NUP93: variants seen among roughly 807,000 people sequenced by gnomAD.
The protein encoded by NUP93 is nucleoporin 93.
NUP93 carries 55 observed loss-of-function variants against 107.8 expected under a neutral mutation model. The observed-to-expected ratio is 0.51, with a 90% CI of 0.41 to 0.64. NUP93 has a LOEUF of 0.64. Among genes scored for constraint, NUP93 ranks in the 30% least tolerant of loss-of-function variants. NUP93 has a pLI of 0.00. For missense variants in NUP93, 937 were observed against 1,044.7 expected, an observed-to-expected ratio of 0.90 and a Z score of 1.42; for synonymous variants, 390 against 397.5, an observed-to-expected ratio of 0.98 and a Z score of 0.22.
intron 4 of NUP93, among the ~76,000 whole-genome samples, chr16:56,799,723 TG>T (rs1418817894): frequency 6.6e-6 from 1 of 152,166 alleles, no homozygotes; most frequent in Non-Finnish European, 1.5e-5. Context: ...AATAATAAAG[TG>T]AAAAAAATGC....
Position 56,847,445 on chromosome 16 carries a change from C to CT in NUP93, c.*2838dup, listed in dbSNP as rs2144660626. 1 of 152,310 alleles carries CT rather than the reference C, an allele frequency of 6.6e-6. No homozygotes were observed. Among genetic ancestry groups the CT allele is most frequent in the African/African-American group, 2.4e-5 (1 of 41,560 alleles). The allele number at this position is 152,310 out of a possible 1,614,324, so 9.4% of individuals were successfully genotyped here. ...ACTAAGAGAAAGTGGCACTAGGCGT[C>CT]TTGTCTTCCAGATGTGAGATTTCGA... is the stretch of plus-strand genomic sequence containing the variant. On this transcript the variant is annotated 3_prime_UTR_variant, in exon 22 of 22. Transcript: ENST00000308159.
intron 2 of NUP93, among the ~76,000 whole-genome samples, chr16:56,752,321 A>G (rs548786865): frequency 7.2e-5 from 11 of 152,304 alleles, no homozygotes; most frequent in Non-Finnish European, 1.2e-4. Context: ...TGTAATAGCA[A>G]AAATTGAAAA....
At chr16:56,764,318 C>T (rs891153072) in intron 3 of NUP93, among the ~76,000 whole-genome samples, 2 of 152,032 alleles carry the variant, frequency 1.3e-5, no homozygotes, top group East Asian at 1.9e-4. Context: ...TGGTGAAACC[C>T]GTCTCTACTA....
chr16:56,791,998 A>G (rs1391329017), intron 3 of NUP93, among the ~76,000 whole-genome samples: 1 of 152,180 alleles, frequency 6.6e-6, no homozygotes, highest in Non-Finnish European at 1.5e-5. Flanking sequence ...CATACCACAT[A>G]TCTCTGTTGC....
At chr16:56,794,301 T>A (rs955594611) in intron 3 of NUP93, among the ~76,000 whole-genome samples, 1 of 152,158 alleles carries the variant, frequency 6.6e-6, no homozygotes, top group South Asian at 2.1e-4. Flanking sequence ...CCCAGTTTTT[T>A]AAGTATGTAA....
At position 56,768,595 on chromosome 16, in the gene NUP93, T is replaced by C. The variant is rs574898466; in HGVS notation, c.297+9940T>C. Among the ~76,000 whole-genome samples the C allele has an allele frequency of 1.7e-3, 253 of 146,422 alleles. 1 individual carries two copies. The highest frequency in any genetic ancestry group is 4.5e-3 in the African/African-American group (177 of 39,378). ...AAAAATTTTTTTTTTTGGCCAGGTG[T>C]GGTGGCTCACGCCTGTAATCCCAGC... is the stretch of plus-strand genomic sequence containing the variant. On this transcript the variant is annotated intron_variant, in intron 3 of 21. Coordinates refer to ENST00000308159, the MANE Select transcript of NUP93 (RefSeq NM_014669.5).
In NUP93 at chr16:56,836,838, T is replaced by TA; in HGVS notation, c.1899+122dup. 3 of 639,772 alleles carry TA rather than the reference T, an allele frequency of 4.7e-6. No individual in the cohort carries two copies. The South Asian group carries it at 5.9e-5, about 12-fold the overall frequency. 39.6% of individuals were successfully genotyped at this position (639,772 alleles called of 1,614,324 possible). ...ACCCTCCCTGCAGAGGCATTTGCTC[T>TA]AGTGCTTAGACAGTTAATGGTCCAG... On this transcript the variant is annotated intron_variant, in intron 17 of 21. Transcript: ENST00000308159.
chr16:56,841,949 C>T (rs1964035090), intron 21 of NUP93, 116 bp downstream of exon 21: 1 of 1,261,616 alleles, frequency 7.9e-7, no homozygotes, highest in Non-Finnish European at 1.1e-6. Flanking sequence ...CAGTACCTGG[C>T]AGCTGGATAA....
intron 21 of NUP93, among the ~76,000 whole-genome samples, chr16:56,842,082 A>T (rs1319894118): frequency 2.6e-5 from 4 of 152,220 alleles, no homozygotes; most frequent in African/African-American, 7.2e-5. Context: ...AATCAAACAG[A>T]ATGCTAATTT....
chr16:56,815,853 G>GCTA (rs1401746421), intron 5 of NUP93, among the ~76,000 whole-genome samples: 7 of 140,080 alleles, frequency 5.0e-5, no homozygotes, highest in Admixed American at 7.3e-5. Flanking sequence ...AGGATTTCCA[G>GCTA]CTACTACTGC....
chr16:56,799,346 A>G (rs1962970906), intron 4 of NUP93, among the ~76,000 whole-genome samples: 3 of 152,320 alleles, frequency 2.0e-5, no homozygotes, highest in South Asian at 4.1e-4. Context: ...CAGCCATTAT[A>G]TGTGCAACAA....
intron 1 of NUP93, among the ~76,000 whole-genome samples, 162 bp downstream of exon 1, chr16:56,730,373 C>A (rs1961512857): frequency 6.6e-6 from 1 of 152,168 alleles, no homozygotes; most frequent in Admixed American, 6.5e-5. Context: ...GACACAACGC[C>A]TTGTCGAGCC....
chr16:56,823,559 C>A, intron 7 of NUP93, 148 bp from the exon 8 acceptor site: 1 of 924,410 alleles, frequency 1.1e-6, no homozygotes, highest in Non-Finnish European at 1.7e-6. Context: ...ATCTTCTGCA[C>A]TGAGCTTAAG....
intron 10 of NUP93, 86 bp downstream of exon 10, chr16:56,830,771 A>G: frequency 7.8e-7 from 1 of 1,279,754 alleles, no homozygotes; most frequent in South Asian, 2.1e-5. Context: ...TTTTCCCTGG[A>G]CGGGCCCAAA....
At chr16:56,803,374 A>G (rs1596816839) in intron 4 of NUP93, among the ~76,000 whole-genome samples, 1 of 152,190 alleles carries the variant, frequency 6.6e-6, no homozygotes, top group Non-Finnish European at 1.5e-5. Context: ...CTGAGGTGGG[A>G]AGGTGGCATG....
At chr16:56,808,056 TATATATAA>T (rs1368413417) in intron 5 of NUP93, among the ~76,000 whole-genome samples, 2 of 140,072 alleles carry the variant, frequency 1.4e-5, no homozygotes, top group Non-Finnish European at 3.0e-5. Flanking sequence ...TTTCTAAAAA[TATATATAA>T]ATATATATAA....
intron 2 of NUP93, 54 bp downstream of exon 2, chr16:56,748,480 T>A: frequency 1.5e-5 from 22 of 1,431,882 alleles, no homozygotes; most frequent in Non-Finnish European, 2.1e-5. Context: ...GGGCAGGATC[T>A]GTTTCTTCTT....
chr16:56,758,409 G>A (rs1231653849), intron 2 of NUP93, 129 bp from the exon 3 acceptor site: 7 of 702,366 alleles, frequency 1.0e-5, no homozygotes, highest in Non-Finnish European at 1.8e-5. Context: ...ATGTAAAAGT[G>A]TCTGGACAGT....
At chr16:56,842,349 T>C (rs1964041750) in intron 21 of NUP93, among the ~76,000 whole-genome samples, 1 of 151,962 alleles carries the variant, frequency 6.6e-6, no homozygotes, top group Admixed American at 6.6e-5. Context: ...GGCAGGTAGG[T>C]GAAGGGGCCA....
Sources: allele counts gnomAD v4.1 joint callset (sites outside exome capture counted in the v4.1 genomes callset), GRCh38; gene constraint gnomAD v4.1.1; transcripts MANE v1.5; gene names NCBI Gene and HGNC (gene_info 2026-07-23, HGNC 2026-07-21).